Variants in DLG2 observed in about 807,000 individuals in gnomAD.
DLG2 encodes discs large MAGUK scaffold protein 2, also known as disks large homolog 2.
A neutral mutation model predicts 132.5 loss-of-function variants in DLG2; 45 were observed. The observed-to-expected ratio is 0.34, with a 90% CI of 0.27 to 0.44. DLG2 has a LOEUF of 0.44. DLG2 is among the 20% of genes least tolerant of loss of function. DLG2 has a pLI of 1.00. For synonymous variants in DLG2, 424 were observed against 419.6 expected, an observed-to-expected ratio of 1.01 and a Z score of -0.13; for missense variants, 1,045 against 1,196.9, an observed-to-expected ratio of 0.87 and a Z score of 1.87.
At chr11:84,888,264 C>T (rs1482247331) in intron 6 of DLG2, among the ~76,000 whole-genome samples, 2 of 152,116 alleles carry the variant, frequency 1.3e-5, no homozygotes, top group African/African-American at 4.8e-5. Flanking sequence ...AAGATCGACT[C>T]TCACCAATGT....
chr11:83,484,112 T>C lies in DLG2; in HGVS notation c.2293+17A>G. The C allele has an allele frequency of 6.2e-7, 1 of 1,603,210 alleles. No homozygotes were observed. The highest frequency in any genetic ancestry group is 8.5e-7 in the Non-Finnish European group (1 of 1,170,610). On this transcript the variant is annotated intron_variant, in intron 22 of 27. Coordinates refer to ENST00000376104, the MANE Select transcript of DLG2 (RefSeq NM_001142699.3). ...CTCTTATGTTGCATGTGACATTATC[T>C]TTCAGAATCTACTTACGTTCAGGAT...
intron 3 of DLG2, among the ~76,000 whole-genome samples, chr11:85,505,125 G>T (rs1447519645): frequency 1.3e-5 from 2 of 152,156 alleles, no homozygotes; most frequent in Non-Finnish European, 2.9e-5. Flanking sequence ...TTTGGGCTGA[G>T]ACAATGGGGT....
intron 6 of DLG2, among the ~76,000 whole-genome samples, chr11:84,586,304 G>A (rs1179394550): frequency 6.6e-6 from 1 of 152,098 alleles, no homozygotes; most frequent in South Asian, 2.1e-4. Flanking sequence ...AGCATGTTAT[G>A]ATTATATCAT....
chr11:84,301,424 G>A (rs1461915125), intron 7 of DLG2, among the ~76,000 whole-genome samples: 4 of 151,984 alleles, frequency 2.6e-5, no homozygotes, highest in Admixed American at 6.6e-5. Context: ...TTGGGAGGCC[G>A]AGGTGGGTGG....
intron 18 of DLG2, among the ~76,000 whole-genome samples, chr11:83,671,372 T>A (rs1477750895): frequency 1.3e-5 from 2 of 152,248 alleles, no homozygotes; most frequent in Non-Finnish European, 2.9e-5. Flanking sequence ...CACATCCTGA[T>A]GTAGAGTCTG....
At chr11:85,226,016 ATTCC>A (rs2074951556) in intron 4 of DLG2, among the ~76,000 whole-genome samples, 1 of 151,996 alleles carries the variant, frequency 6.6e-6, no homozygotes, top group East Asian at 1.9e-4. Flanking sequence ...ATTATCTCTG[ATTCC>A]TTCCTTATCT....
At chr11:83,847,804 G>GA (rs1295456541) in intron 16 of DLG2, among the ~76,000 whole-genome samples, 1 of 152,160 alleles carries the variant, frequency 6.6e-6, no homozygotes, top group Non-Finnish European at 1.5e-5. Context: ...TCACCTTCAA[G>GA]AAAGTGGAGA....
At chr11:85,242,850 T>A (rs890605851) in intron 4 of DLG2, among the ~76,000 whole-genome samples, 1 of 151,874 alleles carries the variant, frequency 6.6e-6, no homozygotes, top group Non-Finnish European at 1.5e-5. Flanking sequence ...TCCTTTTAAG[T>A]GTTTATGCTC....
At chr11:84,243,011 C>CTA (rs1260721382) in intron 8 of DLG2, among the ~76,000 whole-genome samples, 1 of 145,564 alleles carries the variant, frequency 6.9e-6, no homozygotes, top group Non-Finnish European at 1.5e-5. Flanking sequence ...CTCTCTCTCT[C>CTA]TCTCTCTATA....
chr11:85,228,897 C>CT (rs555147601), intron 4 of DLG2, among the ~76,000 whole-genome samples: 185 of 150,982 alleles, frequency 1.2e-3, no homozygotes, highest in Non-Finnish European at 1.7e-3. Context: ...ATCTATGTAT[C>CT]TTTTTTTAAC....
Position 85,542,023 on chromosome 11 carries a change from T to A in DLG2, c.40+56634A>T, listed in dbSNP as rs1401153910. Among the ~76,000 whole-genome samples, 5 of 152,302 alleles carry A rather than the reference T, an allele frequency of 3.3e-5. No homozygotes were observed. In the East Asian group the frequency reaches 7.7e-4, roughly 24 times the overall value. On this transcript the variant is annotated intron_variant, in intron 3 of 27. Coordinates refer to ENST00000376104, the MANE Select transcript of DLG2 (RefSeq NM_001142699.3). ...TTTAGAAGAGTAAGGGGGAAAAAAATCTGTAACTGGTTTACAGCTAATTTA... is the reference window on the plus strand; with the variant it reads ...TTTAGAAGAGTAAGGGGGAAAAAAAACTGTAACTGGTTTACAGCTAATTTA...
Position 84,088,717 on chromosome 11 carries a change from G to C in DLG2, c.749+10206C>G, listed in dbSNP as rs573190951. ...ATATTATGGACAGAGAAAATCAAAAGAGAGGGTTGTTACCCTTCAATACTT... is the reference window on the plus strand; with the variant it reads ...ATATTATGGACAGAGAAAATCAAAACAGAGGGTTGTTACCCTTCAATACTT... On this transcript the variant is annotated intron_variant, in intron 10 of 27. Transcript: ENST00000376104. Among the ~76,000 whole-genome samples the C allele has an allele frequency of 3.9e-5, 6 of 152,268 alleles. No homozygotes were observed. In the East Asian group the frequency reaches 7.7e-4, roughly 20 times the overall value.
intron 15 of DLG2, among the ~76,000 whole-genome samples, chr11:83,917,908 T>C (rs1405832870): frequency 6.6e-6 from 1 of 152,190 alleles, no homozygotes; most frequent in African/African-American, 2.4e-5. Flanking sequence ...AATTCGATTC[T>C]GGCTGTTCTT....
At position 85,364,446 on chromosome 11, in the gene DLG2, C is replaced by T. The variant is rs899377652; in HGVS notation, c.41-79081G>A. ...TATATAATAAATACCCTAGCTGCTT[C>T]GTCACTGTGGGTGACAGAGATATAA... is the stretch of plus-strand genomic sequence containing the variant. On this transcript the variant is annotated intron_variant, in intron 3 of 27. Transcript: ENST00000376104. 3.9e-5 allele frequency among the ~76,000 whole-genome samples: 6 copies of T among 152,278 alleles called. No individual in the cohort carries two copies. The East Asian group carries it at 5.8e-4, about 15-fold the overall frequency.
intron 15 of DLG2, among the ~76,000 whole-genome samples, chr11:83,922,758 T>A (rs921042026): frequency 1.3e-5 from 2 of 152,104 alleles, no homozygotes; most frequent in African/African-American, 4.8e-5. Context: ...GATGTGAGAA[T>A]GCCTTGGGTA....
At chr11:85,230,780 T>G (rs1028876282) in intron 4 of DLG2, among the ~76,000 whole-genome samples, 7 of 152,088 alleles carry the variant, frequency 4.6e-5, no homozygotes, top group Non-Finnish European at 1.0e-4. Flanking sequence ...GCAATAGTAT[T>G]AAGAGGTGAG....
intron 6 of DLG2, among the ~76,000 whole-genome samples, chr11:84,592,905 G>T (rs936339662): frequency 5.0e-5 from 6 of 119,564 alleles, no homozygotes; most frequent in African/African-American, 6.7e-5. Flanking sequence ...AGACCATTCT[G>T]GCTAACACGG....
At position 84,280,380 on chromosome 11, in the gene DLG2, T is replaced by C. The variant is rs67343249; in HGVS notation, c.520-29089A>G. 8.6e-3 allele frequency among the ~76,000 whole-genome samples: 1,301 copies of C among 151,986 alleles called. 14 individuals carry two copies. Among genetic ancestry groups the C allele is most frequent in the Non-Finnish European group, 0.015 (1,046 of 67,996 alleles). ...GTATCCCGGGTTCAAGCAATTCTCA[T>C]GCCTCAGCCTCCCAAATAGCTGGGA... On this transcript the variant is annotated intron_variant, in intron 7 of 27. Coordinates refer to ENST00000376104, the MANE Select transcript of DLG2 (RefSeq NM_001142699.3).
chr11:84,890,508 G>A (rs544953590), intron 6 of DLG2, among the ~76,000 whole-genome samples: 3 of 152,122 alleles, frequency 2.0e-5, no homozygotes, highest in Non-Finnish European at 2.9e-5. Flanking sequence ...CTCCCCGGAG[G>A]AGAAGAAACA....
Sources: allele counts gnomAD v4.1 joint callset (sites outside exome capture counted in the v4.1 genomes callset), GRCh38; gene constraint gnomAD v4.1.1; transcripts MANE v1.5; gene names NCBI Gene and HGNC (gene_info 2026-07-23, HGNC 2026-07-21).